PTPRM: variants seen among roughly 807,000 people sequenced by gnomAD.
PTPRM encodes the protein protein tyrosine phosphatase receptor type M, also known as receptor-type tyrosine-protein phosphatase mu.
A neutral mutation model predicts 186.7 loss-of-function variants in PTPRM; 47 were observed. The observed-to-expected ratio is 0.25, with a 90% CI of 0.20 to 0.32. The LOEUF is 0.32. PTPRM is among the 10% of genes least tolerant of loss of function. The probability of loss-of-function intolerance (pLI) is 1.00; values close to 1 mark genes in which losing one functional copy is unlikely to be tolerated. For missense variants in PTPRM, 1,494 were observed against 1,865.0 expected (o/e 0.80, Z 3.66); for synonymous variants, 668 against 674.9 (o/e 0.99, Z 0.16).
At chr18:7,986,692 GA>G (rs1392278601) in intron 7 of PTPRM, among the ~76,000 whole-genome samples, 1 of 151,694 alleles carries the variant, frequency 6.6e-6, no homozygotes, top group Non-Finnish European at 1.5e-5. Context: ...TTAAAAATTG[GA>G]AAATATCTTT....
At chr18:7,799,402 C>T (rs1406937713) in intron 2 of PTPRM, among the ~76,000 whole-genome samples, 1 of 152,150 alleles carries the variant, frequency 6.6e-6, no homozygotes, top group Non-Finnish European at 1.5e-5. Context: ...ACATTCAAGT[C>T]ATAGCCAATA....
intron 1 of PTPRM, among the ~76,000 whole-genome samples, chr18:7,772,003 G>A (rs2042290302): frequency 1.3e-5 from 2 of 152,200 alleles, no homozygotes; most frequent in African/African-American, 4.8e-5. Context: ...GGGATTTCAG[G>A]CTCGCAGAAG....
chr18:8,142,977 A>G (rs1213746173), intron 13 of PTPRM, among the ~76,000 whole-genome samples: 1 of 152,188 alleles, frequency 6.6e-6, no homozygotes, highest in Non-Finnish European at 1.5e-5. Flanking sequence ...CCACCACTGT[A>G]AGACCCTGGT....
intron 11 of PTPRM, among the ~76,000 whole-genome samples, chr18:8,109,548 G>A (rs1259251122): frequency 1.3e-5 from 2 of 152,176 alleles, no homozygotes; most frequent in African/African-American, 2.4e-5. Context: ...TAACATGGAG[G>A]CCTGTCCAAT....
At chr18:8,073,569 A>G (rs2089620315) in intron 8 of PTPRM, among the ~76,000 whole-genome samples, 2 of 152,226 alleles carry the variant, frequency 1.3e-5, no homozygotes, top group African/African-American at 2.4e-5. Flanking sequence ...TAGGACTAAC[A>G]ATTATTTTCA....
chr18:8,234,881 T>C (rs986947590), intron 14 of PTPRM, among the ~76,000 whole-genome samples: 7 of 152,122 alleles, frequency 4.6e-5, no homozygotes, highest in African/African-American at 7.2e-5. Context: ...ATGTGATGGA[T>C]TGCATTTTTT....
intron 7 of PTPRM, among the ~76,000 whole-genome samples, chr18:8,006,377 C>T (rs1489554147): frequency 6.6e-6 from 1 of 152,056 alleles, no homozygotes; most frequent in Non-Finnish European, 1.5e-5. Context: ...TTACAGTGGC[C>T]CTGTTCGCAT....
intron 1 of PTPRM, among the ~76,000 whole-genome samples, chr18:7,641,937 A>C (rs141798047): frequency 6.6e-6 from 1 of 152,186 alleles, no homozygotes; most frequent in Non-Finnish European, 1.5e-5. Flanking sequence ...CCAGGTCAGA[A>C]TGTGTGCTCT....
At chr18:7,619,731 T>C (rs1324201573) in intron 1 of PTPRM, among the ~76,000 whole-genome samples, 1 of 152,194 alleles carries the variant, frequency 6.6e-6, no homozygotes, top group Non-Finnish European at 1.5e-5. Flanking sequence ...GGGGACCCAC[T>C]GGATATATGA....
At chr18:7,717,417 A>C (rs1179125747) in intron 1 of PTPRM, among the ~76,000 whole-genome samples, 1 of 152,118 alleles carries the variant, frequency 6.6e-6, no homozygotes. Context: ...TACCTGCCCC[A>C]TCCCCTTTTT....
intron 1 of PTPRM, among the ~76,000 whole-genome samples, chr18:7,639,612 G>A (rs959711082): frequency 4.7e-5 from 7 of 150,000 alleles, no homozygotes; most frequent in South Asian, 2.1e-4. Context: ...GTCTGGTCTC[G>A]AACTCCTGAC....
chr18:7,625,356 T>A (rs1320065613), intron 1 of PTPRM, among the ~76,000 whole-genome samples: 1 of 152,216 alleles, frequency 6.6e-6, no homozygotes, highest in Non-Finnish European at 1.5e-5. Context: ...TAGATGTTTT[T>A]AAAAGTCAAG....
chr18:8,190,833 C>T (rs2093700340), intron 14 of PTPRM, among the ~76,000 whole-genome samples: 1 of 152,160 alleles, frequency 6.6e-6, no homozygotes, highest in South Asian at 2.1e-4. Context: ...ACAACATTGT[C>T]ATGGCCAATT....
intron 2 of PTPRM, among the ~76,000 whole-genome samples, chr18:7,824,491 T>G (rs570649257): frequency 2.6e-5 from 4 of 152,334 alleles, no homozygotes; most frequent in African/African-American, 9.6e-5. Flanking sequence ...AGAGATCTTT[T>G]AGCATTTTAT....
intron 1 of PTPRM, among the ~76,000 whole-genome samples, chr18:7,699,131 A>G (rs1205613807): frequency 6.6e-6 from 1 of 152,106 alleles, no homozygotes; most frequent in Non-Finnish European, 1.5e-5. Context: ...CATATGAGGG[A>G]TCTAAGTTGT....
At position 8,244,161 on chromosome 18, in the gene PTPRM, T is replaced by C; in HGVS notation, c.2404T>C (p.Cys802Arg). ...GAGCTATGCTGAGCAGGGCACAAAC[T>C]GCGACGAGGCTTTCTCATTCATGGA... is the stretch of plus-strand genomic sequence containing the variant. ...DKSYAEQGTN[C>R]DEAFSFMDTH... is the part of the protein sequence containing the mutation. The change falls in exon 15 of 33, where the codon TGC (cysteine) becomes CGC (arginine). Residue 802 changes from cysteine to arginine, a missense_variant. By Grantham distance (180) the Cys-to-Arg change is radical. Transcript: ENST00000580170. The C allele has an allele frequency of 6.3e-7, 1 of 1,598,802 alleles. No individual in the cohort carries two copies. Among genetic ancestry groups the C allele is most frequent in the Non-Finnish European group, 8.5e-7 (1 of 1,174,712 alleles).
chr18:7,599,586 G>A (rs1481362681), intron 1 of PTPRM, among the ~76,000 whole-genome samples: 1 of 152,138 alleles, frequency 6.6e-6, no homozygotes, highest in African/African-American at 2.4e-5. Flanking sequence ...CATGCTCCCA[G>A]TTGCCACAGC....
chr18:8,327,368 T>C (rs2095383886), intron 22 of PTPRM, among the ~76,000 whole-genome samples: 1 of 152,190 alleles, frequency 6.6e-6, no homozygotes, highest in South Asian at 2.1e-4. Flanking sequence ...ACTGCCAAGG[T>C]CAGGCAGGGG....
intron 2 of PTPRM, among the ~76,000 whole-genome samples, chr18:7,858,588 GA>G (rs939668571): frequency 5.3e-5 from 8 of 152,126 alleles, no homozygotes; most frequent in South Asian, 2.1e-4. Flanking sequence ...AGTTCAGAGG[GA>G]AACTTCTAGT....
Sources: gnomAD v4.1 joint callset for allele counts (sites outside exome capture counted in the v4.1 genomes callset) on GRCh38, gnomAD v4.1.1 for gene constraint, MANE v1.5 for transcripts, NCBI Gene and HGNC (gene_info 2026-07-23, HGNC 2026-07-21) for gene names.